The following ABL2 variants were observed in gnomAD, a reference collection of about 807,000 sequenced individuals.
ABL2 encodes tyrosine-protein kinase ABL2.
Under a neutral mutation model 107.7 loss-of-function variants are expected in ABL2, and 49 were observed. The ratio of observed to expected loss-of-function variants is 0.45; its 90% CI spans 0.36 to 0.58. ABL2 has a LOEUF of 0.58. ABL2 is among the 20% of genes least tolerant of loss of function. ABL2 has a pLI of 0.00. For synonymous variants in ABL2, 549 were observed against 548.6 expected (o/e 1.00, Z -0.01); for missense variants, 1,245 against 1,457.0 (o/e 0.85, Z 2.37).
intron 1 of ABL2, chr1:179,184,048 C>A: frequency 3.8e-6 from 1 of 266,650 alleles, no homozygotes. Flanking sequence ...GAAAGCAGAA[C>A]AGAAAATAAA....
intron 1 of ABL2, among the ~76,000 whole-genome samples, chr1:179,224,152 A>AAAAC: frequency 6.6e-6 from 1 of 150,420 alleles, no homozygotes; most frequent in Non-Finnish European, 1.5e-5. Context: ...AAAAAAAAAA[A>AAAAC]AAAAAACTAC....
intron 1 of ABL2, among the ~76,000 whole-genome samples, chr1:179,197,305 G>A (rs982258460): frequency 5.9e-5 from 9 of 151,872 alleles, no homozygotes; most frequent in African/African-American, 1.7e-4. Context: ...ATTGTCTACA[G>A]AAAGGACAAT....
chr1:179,134,780 G>A (rs2102678248), intron 1 of ABL2, among the ~76,000 whole-genome samples: 1 of 151,926 alleles, frequency 6.6e-6, no homozygotes, highest in African/African-American at 2.4e-5. Flanking sequence ...CTGATGCCGA[G>A]CTGAAGCTGG....
chr1:179,108,027 T>A lies in ABL2; in HGVS notation c.3240A>T (p.Ser1080=), dbSNP rs779243770. 14 of 1,614,102 alleles carry A rather than the reference T, an allele frequency of 8.7e-6. No homozygotes were observed. Among genetic ancestry groups the A allele is most frequent in the Non-Finnish European group, 1.2e-5 (14 of 1,180,038 alleles). The change falls in exon 12 of 12, where the codon TCA becomes TCT. Residue 1080 remains serine (S), a synonymous_variant. Coordinates refer to ENST00000502732, the MANE Select transcript of ABL2 (RefSeq NM_007314.4). ...RKTKQAAEKI[S]ADKISKEALL... ...GGGCCTCTTTGCTGATTTTGTCTGC[T>A]GAGATTTTCTCAGCGGCCTGTTTGG...
At chr1:179,190,580 C>G (rs916583009) in intron 1 of ABL2, among the ~76,000 whole-genome samples, 1 of 151,990 alleles carries the variant, frequency 6.6e-6, no homozygotes, top group East Asian at 1.9e-4. Context: ...AGCCTCTCCC[C>G]CCTCCACAGA....
rs894020929 is a variant in ABL2, at chr1:179,181,082, T to C, written c.158-47708A>G. Among the ~76,000 whole-genome samples the C allele has an allele frequency of 2.0e-5, 3 of 152,360 alleles. No individual in the cohort carries two copies. In the East Asian group the frequency reaches 5.8e-4, roughly 29 times the overall value. On this transcript the variant is annotated intron_variant, in intron 1 of 11. Transcript: ENST00000502732. ...CACATTCTAACAGTACAGCTGTCTG[T>C]CCAGGCATGCTGCTGAAAGAACAGT...
At position 179,214,519 on chromosome 1, in the gene ABL2, CATATATATAT is replaced by C. The variant is rs59744061; in HGVS notation, c.157+14712_157+14721del. Among the ~76,000 whole-genome samples, 1,472 of 122,138 alleles carry C rather than the reference CATATATATAT, an allele frequency of 0.012. 51 individuals are homozygous for C. In the East Asian group the frequency reaches 0.14, roughly 12 times the overall value. The allele number at this position is 122,138 out of a possible 152,430, so 80.1% of individuals were successfully genotyped here. A position where few individuals can be genotyped will look rare whatever the true frequency, so the allele number is the denominator to read the frequency against. On this transcript the variant is annotated intron_variant, in intron 1 of 11. Coordinates refer to ENST00000502732, the MANE Select transcript of ABL2 (RefSeq NM_007314.4). ...CAATGGAACAACAGTTTTAAAATGA[CATATATATAT>C]ATATATATATATATATATATATGAG...
chr1:179,118,885 T>TA, intron 6 of ABL2, 121 bp from the exon 7 acceptor site: 2 of 1,024,846 alleles, frequency 2.0e-6, no homozygotes, highest in South Asian at 3.2e-5. Flanking sequence ...TTTCCCTTCT[T>TA]ACCACCACGT....
intron 9 of ABL2, among the ~76,000 whole-genome samples, chr1:179,112,727 C>G (rs566015382): frequency 1.3e-5 from 2 of 151,448 alleles, no homozygotes; most frequent in Admixed American, 6.6e-5. Flanking sequence ...GTAGCTGGGA[C>G]TATGGGTGTG....
At chr1:179,148,782 C>T (rs998846661) in intron 1 of ABL2, among the ~76,000 whole-genome samples, 41 of 151,804 alleles carry the variant, frequency 2.7e-4, no homozygotes, top group African/African-American at 9.7e-4. Flanking sequence ...TACCTGTAAT[C>T]CCAGCTACTC....
At chr1:179,220,977 TG>T in intron 1 of ABL2, 1 of 198,404 alleles carries the variant, frequency 5.0e-6, no homozygotes. Context: ...ATATGTAGAC[TG>T]GATGTACTTT....
intron 1 of ABL2, chr1:179,183,961 C>G (rs1660537817): frequency 7.6e-6 from 2 of 264,154 alleles, no homozygotes; most frequent in Non-Finnish European, 1.5e-5. Flanking sequence ...AGAAAAAGAA[C>G]AGCAGGAAGC....
rs1306421914 is a variant in ABL2, at chr1:179,102,175, C to T, written c.*5543G>A. 2 of 168,910 alleles carry T rather than the reference C, an allele frequency of 1.2e-5. No individual in the cohort carries two copies. The highest frequency in any genetic ancestry group is 4.8e-5 in the African/African-American group (2 of 41,810). 10.5% of individuals were successfully genotyped at this position (168,910 alleles called of 1,614,324 possible). ...TACAGGCGCCCGCCACCACGCCCAG[C>T]TAAGTTTTTGTATTTTTAGTAGAGG... On this transcript the variant is annotated 3_prime_UTR_variant, in exon 12 of 12. Coordinates refer to ENST00000502732, the MANE Select transcript of ABL2 (RefSeq NM_007314.4).
chr1:179,114,216 C>T (rs1307453477), intron 9 of ABL2, among the ~76,000 whole-genome samples: 1 of 151,978 alleles, frequency 6.6e-6, no homozygotes, highest in Non-Finnish European at 1.5e-5. Flanking sequence ...CCACTGCACT[C>T]CAGCATGGGC....
chr1:179,216,103 G>T (rs940930007), intron 1 of ABL2, among the ~76,000 whole-genome samples: 4 of 152,182 alleles, frequency 2.6e-5, no homozygotes, highest in Admixed American at 6.5e-5. Context: ...CCCAGCTTTA[G>T]CGTTCTGCTG....
chr1:179,109,046 C>T lies in ABL2; in HGVS notation c.2221G>A (p.Ala741Thr). 1 of 1,393,250 alleles carries T rather than the reference C, an allele frequency of 7.2e-7. No homozygotes were observed. The highest frequency in any genetic ancestry group is 1.0e-6 in the Non-Finnish European group (1 of 999,356). 86.3% of individuals were successfully genotyped at this position (1,393,250 alleles called of 1,614,324 possible). A position where few individuals can be genotyped will look rare whatever the true frequency, so the allele number is the denominator to read the frequency against. Residue 741 changes from alanine (A) to threonine (T), a missense_variant, in exon 12 of 12, where the codon GCT (alanine) becomes ACT (threonine). Transcript: ENST00000502732. The stretch of plus-strand genomic sequence containing the variant: ...GTGATGCCAGACCACCCACCCCCAG[C>T]AGTGCCACTGCCCCCACCCCCACCA... ...DGGGGGGSGT[A>T]GGGWSGITGF... is the part of the protein sequence containing the mutation.
chr1:179,113,799 C>A lies in ABL2; in HGVS notation c.1561+1079G>T, dbSNP rs1009200285. Reference sequence around the variant, plus strand: ...AAAAAAAATTAGCCGGGCGTGGTGGCGGCCGGCGCCTATAGTCCCAGCTAC... The same window carrying A: ...AAAAAAAATTAGCCGGGCGTGGTGGAGGCCGGCGCCTATAGTCCCAGCTAC... On this transcript the variant is annotated intron_variant, in intron 9 of 11. Transcript: ENST00000502732. Among the ~76,000 whole-genome samples the A allele has an allele frequency of 2.0e-5, 3 of 152,062 alleles. No individual in the cohort carries two copies. In the South Asian group the frequency reaches 6.2e-4, roughly 32 times the overall value.
At chr1:179,157,030 A>C (rs995070818) in intron 1 of ABL2, among the ~76,000 whole-genome samples, 1 of 152,132 alleles carries the variant, frequency 6.6e-6, no homozygotes, top group Non-Finnish European at 1.5e-5. Context: ...TATTTATGAG[A>C]GGTAAAAATC....
In ABL2 at chr1:179,224,441, A is replaced by AT. The variant is rs1292525559; in HGVS notation, c.157+4799dup. 2.6e-5 allele frequency among the ~76,000 whole-genome samples: 4 copies of AT among 151,282 alleles called. No homozygotes were observed. In the East Asian group the frequency reaches 5.9e-4, roughly 22 times the overall value. On this transcript the variant is annotated intron_variant, in intron 1 of 11. Transcript: ENST00000502732. Reference sequence around the variant, plus strand: ...GCCACCACACCTGGCTAATTTTTGTATTTTTTTAGTAGAGACAGGGTTTCA... The same window carrying AT: ...GCCACCACACCTGGCTAATTTTTGTATTTTTTTTAGTAGAGACAGGGTTTCA...
Sources: allele counts gnomAD v4.1 joint callset (sites outside exome capture counted in the v4.1 genomes callset), GRCh38; gene constraint gnomAD v4.1.1; transcripts MANE v1.5; gene names NCBI Gene and HGNC (gene_info 2026-07-23, HGNC 2026-07-21).